The following EIF4G3 variants were observed in gnomAD, a reference collection of about 807,000 sequenced individuals.
EIF4G3 encodes the protein eukaryotic translation initiation factor 4 gamma 3.
EIF4G3 carries 34 observed loss-of-function variants against 186.4 expected under a neutral mutation model. That is an observed-to-expected ratio of 0.18 (90% CI 0.14 to 0.24). The LOEUF (loss-of-function observed/expected upper bound fraction) is 0.24. Among genes scored for constraint, EIF4G3 ranks in the 10% least tolerant of loss-of-function variants. The probability of loss-of-function intolerance (pLI) is 1.00; values close to 1 mark genes in which losing one functional copy is unlikely to be tolerated. For missense variants in EIF4G3, 1,536 were observed against 1,948.5 expected, an observed-to-expected ratio of 0.79 and a Z score of 3.99; for synonymous variants, 673 against 679.5, an observed-to-expected ratio of 0.99 and a Z score of 0.15.
At chr1:21,010,906 T>C (rs1036862053) in intron 4 of EIF4G3, among the ~76,000 whole-genome samples, 1 of 152,206 alleles carries the variant, frequency 6.6e-6, no homozygotes, top group African/African-American at 2.4e-5. Flanking sequence ...GACTGAAGCT[T>C]TAAGCTACTG....
chr1:20,882,599 C>T (rs945580650), intron 19 of EIF4G3, among the ~76,000 whole-genome samples: 24 of 148,884 alleles, frequency 1.6e-4, no homozygotes, highest in South Asian at 8.5e-4. Flanking sequence ...CCAGCCAGGG[C>T]GACACAGTGA....
At chr1:21,142,450 T>G (rs1299673650) in intron 2 of EIF4G3, among the ~76,000 whole-genome samples, 1 of 152,102 alleles carries the variant, frequency 6.6e-6, no homozygotes, top group Non-Finnish European at 1.5e-5. Context: ...GAAGTTGCAG[T>G]GAGTTGAGAT....
Position 20,969,506 on chromosome 1 carries a change from CT to C in EIF4G3, c.681del (p.Ile227MetfsTer58). The C allele has an allele frequency of 6.2e-7, 1 of 1,613,900 alleles. No individual in the cohort carries two copies. The highest frequency in any genetic ancestry group is 1.3e-5 in the African/African-American group (1 of 75,038). On this transcript the variant is annotated frameshift_variant, in exon 12 of 37. Coordinates refer to ENST00000602326, the MANE Select transcript of EIF4G3 (RefSeq NM_001391906.1). LOFTEE classifies it high-confidence loss of function. Reference sequence around the variant, plus strand: ...GGAGTAGGTGTGGACGTGGGTCTTCCTATGGGTGGAGTAGGATTTCTGCTGC... The same window carrying C: ...GGAGTAGGTGTGGACGTGGGTCTTCCATGGGTGGAGTAGGATTTCTGCTGC... ...GGGSRNPTPPIGRPTSTPTPP... is the reference protein window; with the variant it reads ...GGGSRNPTPPXGRPTSTPTPP...
chr1:21,037,921 C>T (rs2093331665), intron 4 of EIF4G3, among the ~76,000 whole-genome samples: 2 of 152,152 alleles, frequency 1.3e-5, no homozygotes, highest in Admixed American at 6.6e-5. Flanking sequence ...ATTACCTAGG[C>T]TCATCCCAAG....
intron 2 of EIF4G3, among the ~76,000 whole-genome samples, chr1:21,145,873 T>C (rs2097431134): frequency 1.3e-5 from 2 of 152,164 alleles, no homozygotes; most frequent in South Asian, 2.1e-4. Flanking sequence ...TGAGGCCAAA[T>C]GTTTGAGACC....
intron 14 of EIF4G3, among the ~76,000 whole-genome samples, chr1:20,932,760 T>A (rs2095370691): frequency 6.6e-6 from 1 of 152,050 alleles, no homozygotes; most frequent in African/African-American, 2.4e-5. Flanking sequence ...TGATCACAGA[T>A]CACTATAACA....
intron 24 of EIF4G3, among the ~76,000 whole-genome samples, chr1:20,860,106 TC>T (rs2076001163): frequency 6.6e-6 from 1 of 152,208 alleles, no homozygotes; most frequent in Non-Finnish European, 1.5e-5. Flanking sequence ...ATTTTCCACT[TC>T]CTTTTCTCGT....
At chr1:21,003,369 A>T (rs1455697592) in intron 4 of EIF4G3, among the ~76,000 whole-genome samples, 2 of 151,900 alleles carry the variant, frequency 1.3e-5, no homozygotes, top group African/African-American at 4.8e-5. Flanking sequence ...CTCTCGCCTC[A>T]TCCTCTTGAG....
chr1:21,090,637 A>G (rs2096161961), intron 2 of EIF4G3, among the ~76,000 whole-genome samples: 1 of 152,230 alleles, frequency 6.6e-6, no homozygotes, highest in East Asian at 1.9e-4. Context: ...AGAAAAGAAG[A>G]AGTGAAAATA....
intron 34 of EIF4G3, among the ~76,000 whole-genome samples, chr1:20,814,747 ATCTCCCCCTCCC>A (rs1557737427): frequency 4.0e-5 from 1 of 25,272 alleles, no homozygotes; most frequent in African/African-American, 1.0e-4. Context: ...TTAAAAATTC[ATCTCCCCCTCCC>A]CCTCCCCCTC....
chr1:20,903,858 AAATTTT>A lies in EIF4G3; in HGVS notation c.1752+1019_1752+1024del, dbSNP rs932491247. On this transcript the variant is annotated intron_variant, in intron 15 of 36. Coordinates refer to ENST00000602326, the MANE Select transcript of EIF4G3 (RefSeq NM_001391906.1). ...ATTTTATCATGTTAAACCTTGAGTA[AAATTTT>A]AATTTTATCATGTTAAACCTTGAGT... Among the ~76,000 whole-genome samples the A allele has an allele frequency of 5.3e-5, 8 of 152,338 alleles. No individual in the cohort carries two copies. The East Asian group carries it at 7.7e-4, about 15-fold the overall frequency.
intron 2 of EIF4G3, among the ~76,000 whole-genome samples, chr1:21,160,473 C>T (rs977152859): frequency 6.6e-6 from 1 of 152,158 alleles, no homozygotes; most frequent in East Asian, 1.9e-4. Flanking sequence ...CATCAAATAT[C>T]TCCCACAAGA....
intron 7 of EIF4G3, among the ~76,000 whole-genome samples, chr1:20,995,208 T>A (rs1227264623): frequency 6.6e-6 from 1 of 152,160 alleles, no homozygotes; most frequent in African/African-American, 2.4e-5. Flanking sequence ...TTAAATACAA[T>A]ATCCTAATTT....
chr1:20,870,856 A>AT (rs2078989326), intron 20 of EIF4G3, among the ~76,000 whole-genome samples: 2 of 152,184 alleles, frequency 1.3e-5, no homozygotes. Flanking sequence ...AAGCAGCAAA[A>AT]TACTCCAGAG....
chr1:21,088,736 G>A (rs547838429), intron 3 of EIF4G3, among the ~76,000 whole-genome samples: 7 of 152,066 alleles, frequency 4.6e-5, no homozygotes, highest in African/African-American at 9.6e-5. Context: ...GTGGTGGCAC[G>A]TGCCTGTAGT....
At chr1:21,057,843 G>C (rs970810244) in intron 3 of EIF4G3, among the ~76,000 whole-genome samples, 1 of 152,130 alleles carries the variant, frequency 6.6e-6, no homozygotes, top group African/African-American at 2.4e-5. Flanking sequence ...CTAAAATTTT[G>C]ACTCAGTGGA....
intron 4 of EIF4G3, among the ~76,000 whole-genome samples, chr1:21,035,301 G>A (rs1036363226): frequency 6.6e-6 from 1 of 152,234 alleles, no homozygotes; most frequent in Non-Finnish European, 1.5e-5. Context: ...GCACAGCTAA[G>A]GCTGTGTACT....
At chr1:20,917,835 T>C (rs1449172390) in intron 14 of EIF4G3, among the ~76,000 whole-genome samples, 5 of 152,220 alleles carry the variant, frequency 3.3e-5, no homozygotes, top group Non-Finnish European at 5.9e-5. Flanking sequence ...AGCATTTCCA[T>C]ATATCTATTA....
chr1:20,911,865 T>C (rs902372283), intron 14 of EIF4G3, among the ~76,000 whole-genome samples: 4 of 152,146 alleles, frequency 2.6e-5, no homozygotes, highest in East Asian at 1.9e-4. Context: ...ACACCTGTGG[T>C]TAATTGCAAA....
Sources: allele counts gnomAD v4.1 joint callset (sites outside exome capture counted in the v4.1 genomes callset), GRCh38; gene constraint gnomAD v4.1.1; transcripts MANE v1.5; gene names NCBI Gene and HGNC (gene_info 2026-07-23, HGNC 2026-07-21).